Variants in LHX5 observed in about 807,000 individuals in gnomAD.
The protein encoded by LHX5 is LIM homeobox 5.
Under a neutral mutation model 30.6 loss-of-function variants are expected in LHX5, and 5 were observed. The observed-to-expected ratio is 0.16, with a 90% CI of 0.09 to 0.34. The LOEUF (loss-of-function observed/expected upper bound fraction) is 0.34, where lower values mean the gene tolerates loss of function less well. Among genes scored for constraint, LHX5 ranks in the 10% least tolerant of loss-of-function variants. LHX5 has a pLI of 1.00. For missense variants in LHX5, 458 were observed against 570.6 expected, an observed-to-expected ratio of 0.80 and a Z score of 2.01; for synonymous variants, 266 against 252.6, an observed-to-expected ratio of 1.05 and a Z score of -0.50.
At chr12:113,469,374 G>C (rs199548102) in intron 1 of LHX5, 29 bp from the exon 2 acceptor site, 1 of 1,593,516 alleles carries the variant, frequency 6.3e-7, no homozygotes, top group South Asian at 1.1e-5. Context: ...TGTCACTATG[G>C]GGTGGGACTG....
At chr12:113,468,657 AAGGGT>A (rs1326314282) in intron 2 of LHX5, among the ~76,000 whole-genome samples, 10 of 152,136 alleles carry the variant, frequency 6.6e-5, no homozygotes, top group African/African-American at 2.4e-4. Context: ...GTACCTGGGT[AAGGGT>A]AGGGGGACGC....
In LHX5 at chr12:113,463,331, G is replaced by T; in HGVS notation, c.1068C>A (p.Gly356=). 6.5e-7 allele frequency: 1 copy of T among 1,540,750 alleles called. No homozygotes were observed. The highest frequency in any genetic ancestry group is 8.7e-7 in the Non-Finnish European group (1 of 1,144,124). ...SHPDTPSPEP[G]LPGTLHPMPG... The stretch of plus-strand genomic sequence containing the variant: ...GCATGGGGTGCAGCGTGCCCGGCAG[G>T]CCTGGCTCGGGGCTCGGTGTGTCCG... The change falls in exon 5 of 5, where the codon GGC becomes GGA. Residue 356 remains glycine, a synonymous_variant. Transcript: ENST00000261731. This position sits in a 1 kb window ranked among gnomAD's most constrained non-coding sequence, Gnocchi z 6.7.
At chr12:113,470,060 G>A (rs2136979775) in intron 1 of LHX5, among the ~76,000 whole-genome samples, 1 of 152,338 alleles carries the variant, frequency 6.6e-6, no homozygotes, top group Non-Finnish European at 1.5e-5. Flanking sequence ...GTGAATAGAG[G>A]ACAATCATAG....
At chr12:113,470,382 A>G (rs956021456) in intron 1 of LHX5, among the ~76,000 whole-genome samples, 6 of 152,260 alleles carry the variant, frequency 3.9e-5, no homozygotes, top group African/African-American at 1.4e-4. Flanking sequence ...AAAAATCATT[A>G]GGCACTTTGC....
rs930421094 is a variant in LHX5 at position 113,465,529 on chromosome 12, C to A, written c.841+1727G>T. ...TCGCCACCGCCGGGATCTCCCAGCG[C>A]GGATTAGGCGGGGCTGCCTCGCTGG... On this transcript the variant is annotated intron_variant, in intron 4 of 4. Transcript: ENST00000261731. This position sits in a 1 kb window ranked among gnomAD's most constrained non-coding sequence, Gnocchi z 6.7. Among the ~76,000 whole-genome samples the A allele has an allele frequency of 1.3e-5, 2 of 152,242 alleles. No homozygotes were observed. The highest frequency in any genetic ancestry group is 4.8e-5 in the African/African-American group (2 of 41,472).
At chr12:113,471,269 C>A in intron 1 of LHX5, 57 bp downstream of exon 1, 2 of 1,581,334 alleles carry the variant, frequency 1.3e-6, no homozygotes, top group Non-Finnish European at 1.7e-6. Flanking sequence ...TCCCCAGCGC[C>A]CCAGTGGAGC....
chr12:113,463,099 C>T lies in LHX5; in HGVS notation c.*91G>A, dbSNP rs1958185796. On this transcript the variant is annotated 3_prime_UTR_variant, in exon 5 of 5. Transcript: ENST00000261731. The surrounding 1 kb of genome is among the most constrained non-coding windows in gnomAD (Gnocchi z 6.7). The stretch of plus-strand genomic sequence containing the variant: ...GAACCCCCGAGGGACACCCACGTCT[C>T]CCACCGCGTCTGCGTCGGGCGTTTT... 8.9e-7 allele frequency: 1 copy of T among 1,120,804 alleles called. No individual in the cohort carries two copies. Among genetic ancestry groups the T allele is most frequent in the Admixed American group, 3.1e-5 (1 of 31,836 alleles). The allele number at this position is 1,120,804 out of a possible 1,614,324, so 69.4% of individuals were successfully genotyped here.
chr12:113,463,198 C>G lies in LHX5; in HGVS notation c.1201G>C (p.Val401Leu), dbSNP rs748221055. Reference sequence around the variant, plus strand: ...GGGGCGGCCCGGCGGCCTTACCACACGGCGGCTTCGTTGAGCTCGGGGTTG... The same window carrying G: ...GGGGCGGCCCGGCGGCCTTACCACAGGGCGGCTTCGTTGAGCTCGGGGTTG... ...HPNPELNEAAVW is the reference protein window; with the variant it reads ...HPNPELNEAALW The change falls in exon 5 of 5, where the codon GTG (valine) becomes CTG (leucine). Residue 401 changes from valine to leucine, a missense_variant. By Grantham distance (32) the Val-to-Leu change is conservative. Transcript: ENST00000261731. This position sits in a 1 kb window ranked among gnomAD's most constrained non-coding sequence, Gnocchi z 6.7. 4.6e-6 allele frequency: 7 copies of G among 1,515,208 alleles called. No homozygotes were observed. The highest frequency in any genetic ancestry group is 1.4e-5 in the African/African-American group (1 of 69,440). The allele number at this position is 1,515,208 out of a possible 1,614,324, so 93.9% of individuals were successfully genotyped here.
chr12:113,466,272 C>T lies in LHX5; in HGVS notation c.841+984G>A, dbSNP rs948479344. ...AAGAGGAGAGGTGCTTTCTTGAGCC[C>T]TCAGCCCTGGGAAGAACAGGACAGT... On this transcript the variant is annotated intron_variant, in intron 4 of 4. Coordinates refer to ENST00000261731, the MANE Select transcript of LHX5 (RefSeq NM_022363.3). The surrounding 1 kb of genome is among the most constrained non-coding windows in gnomAD (Gnocchi z 6.5). 1.3e-5 allele frequency among the ~76,000 whole-genome samples: 2 copies of T among 152,178 alleles called. No homozygotes were observed. Among genetic ancestry groups the T allele is most frequent in the Non-Finnish European group, 2.9e-5 (2 of 68,032 alleles).
rs781400710 is a variant in LHX5, at chr12:113,463,508, C to A, written c.891G>T (p.Ala297=). ...ACTGCGCCTGCGAAGGCGGGCCGTGCGCGAAGAAGTCGTAGTTGCTTCCCG... is the reference window on the plus strand; with the variant it reads ...ACTGCGCCTGCGAAGGCGGGCCGTGAGCGAAGAAGTCGTAGTTGCTTCCCG... ...YAPGSNYDFF[A]HGPPSQAQSP... is the part of the protein sequence containing the mutation. The change falls in exon 5 of 5, where the codon GCG becomes GCT. Residue 297 remains alanine (A), a synonymous_variant. Coordinates refer to ENST00000261731, the MANE Select transcript of LHX5 (RefSeq NM_022363.3). This position sits in a 1 kb window ranked among gnomAD's most constrained non-coding sequence, Gnocchi z 6.7. 11 of 1,563,740 alleles carry A rather than the reference C, an allele frequency of 7.0e-6. No individual in the cohort carries two copies. The highest frequency in any genetic ancestry group is 5.5e-5 in the African/African-American group (4 of 73,054).
In LHX5 at chr12:113,464,358, A is replaced by T. The variant is rs1958198885; in HGVS notation, c.842-801T>A. ...AGAGCGCGAAATGGTTGAGACCGGG[A>T]AGCGACCTGGCCGGGGGAAACTGGA... On this transcript the variant is annotated intron_variant, in intron 4 of 4. Transcript: ENST00000261731. The surrounding 1 kb of genome is among the most constrained non-coding windows in gnomAD (Gnocchi z 6.2). 6.6e-6 allele frequency among the ~76,000 whole-genome samples: 1 copy of T among 152,176 alleles called. No homozygotes were observed. The highest frequency in any genetic ancestry group is 1.5e-5 in the Non-Finnish European group (1 of 68,006).
In LHX5 at chr12:113,462,045, G is replaced by GA. The variant is rs1958176157; in HGVS notation, c.*1144dup. On this transcript the variant is annotated 3_prime_UTR_variant, in exon 5 of 5. Transcript: ENST00000261731. ...AACCACACAGCGCTGAGGGAAAAAAGATTTTTTTTTATTAATCTTTCTCTT... is the reference window on the plus strand; with the variant it reads ...AACCACACAGCGCTGAGGGAAAAAAGAATTTTTTTTTATTAATCTTTCTCTT... 6.6e-6 allele frequency: 1 copy of GA among 151,924 alleles called. No homozygotes were observed. Among genetic ancestry groups the GA allele is most frequent in the African/African-American group, 2.4e-5 (1 of 41,334 alleles). 9.4% of individuals were successfully genotyped at this position (151,924 alleles called of 1,614,324 possible).
chr12:113,470,072 T>C (rs74829413), intron 1 of LHX5, among the ~76,000 whole-genome samples: 8,478 of 152,268 alleles, frequency 0.056, 301 homozygotes, highest in Middle Eastern at 0.1. Context: ...CAATCATAGA[T>C]CCTGCAAGGC....
At position 113,463,314 on chromosome 12, in the gene LHX5, T is replaced by A. The variant is rs543865269; in HGVS notation, c.1085A>T (p.His362Leu). ...SPEPGLPGTLHPMPGEVFSGG... is the reference protein window; with the variant it reads ...SPEPGLPGTLLPMPGEVFSGG... Reference sequence around the variant, plus strand: ...GCTGAATACCTCGCCGGGCATGGGGTGCAGCGTGCCCGGCAGGCCTGGCTC... The same window carrying A: ...GCTGAATACCTCGCCGGGCATGGGGAGCAGCGTGCCCGGCAGGCCTGGCTC... Residue 362 changes from histidine (H) to leucine (L), a missense_variant, in exon 5 of 5, where the codon CAC becomes CTC. Around this residue, in one of 3 missense-constraint regions of LHX5, gnomAD observed 255 missense variants for 246.8 expected, o/e 1.03. Transcript: ENST00000261731. The surrounding 1 kb of genome is among the most constrained non-coding windows in gnomAD (Gnocchi z 6.7). 2.2e-5 allele frequency: 34 copies of A among 1,535,876 alleles called. 1 individual carries two copies. In the Middle Eastern group the frequency reaches 6.9e-4, roughly 31 times the overall value.
In LHX5 at chr12:113,471,492, C is replaced by G; in HGVS notation, c.7G>C (p.Val3Leu). Residue 3 changes from valine (V) to leucine (L), a missense_variant, in exon 1 of 5, where the codon GTG becomes CTG. This residue lies in a region of LHX5 where 178 missense variants were observed against 238.5 expected (regional missense o/e 0.75). Coordinates refer to ENST00000261731, the MANE Select transcript of LHX5 (RefSeq NM_022363.3). MM[V>L]HCAGCERPIL... ...GGCCGCTCGCAACCGGCGCAGTGCA[C>G]CATCATAGCCCCGCGCCCCGGCGGC... 6.3e-7 allele frequency: 1 copy of G among 1,598,484 alleles called. No homozygotes were observed. The highest frequency in any genetic ancestry group is 8.5e-7 in the Non-Finnish European group (1 of 1,172,446).
At chr12:113,471,248 G>C (rs564071216) in intron 1 of LHX5, 78 bp downstream of exon 1, 2 of 1,461,464 alleles carry the variant, frequency 1.4e-6, no homozygotes, top group Non-Finnish European at 1.9e-6. Context: ...ATGGGGATGG[G>C]GGTATCCCCT....
rs1386313379 is a variant in LHX5, at chr12:113,467,051, C to T, written c.841+205G>A. ...AATGTGTCACTGTATCTCGTGTGTG[C>T]TTCTGTGTGCATCACTGTATGGGTG... is the stretch of plus-strand genomic sequence containing the variant. On this transcript the variant is annotated intron_variant, in intron 4 of 4. Transcript: ENST00000261731. The surrounding 1 kb of genome is among the most constrained non-coding windows in gnomAD (Gnocchi z 6.3). 2.6e-5 allele frequency among the ~76,000 whole-genome samples: 4 copies of T among 151,718 alleles called. No individual in the cohort carries two copies. Among genetic ancestry groups the T allele is most frequent in the Non-Finnish European group, 5.9e-5 (4 of 67,962 alleles).
In LHX5 at chr12:113,469,337, C is replaced by T. The variant is rs1304531662; in HGVS notation, c.182G>A (p.Gly61Asp). ...TTGCGCGCAGCCGGCGCATTTCGTG[C>T]CAAAGCGCCTGTGGACACAATGTGC... ...YCKNDFFRRF[G>D]TKCAGCAQGI... Residue 61 changes from glycine (G) to aspartate (D), a missense_variant, in exon 2 of 5, where the codon GGC (glycine) becomes GAC (aspartate). Transcript: ENST00000261731. The T allele has an allele frequency of 6.2e-7, 1 of 1,612,304 alleles. No homozygotes were observed. The highest frequency in any genetic ancestry group is 1.1e-5 in the South Asian group (1 of 90,970).
Position 113,467,383 on chromosome 12 carries a change from C to A in LHX5, c.714G>T (p.Met238Ile), listed in dbSNP as rs868774141. 1.3e-6 allele frequency: 2 copies of A among 1,579,964 alleles called. No homozygotes were observed. Among genetic ancestry groups the A allele is most frequent in the East Asian group, 2.3e-5 (1 of 43,436 alleles). The stretch of plus-strand genomic sequence containing the variant: ...GGGCGCCTAGGGCGCTCAGCTGTTT[C>A]ATCCGGCGTTCTTTGGACCGTCGGT... ...FQNRRSKERRMKQLSALGARR... is the reference protein window; with the variant it reads ...FQNRRSKERRIKQLSALGARR... Residue 238 changes from methionine (M) to isoleucine (I), a missense_variant, in exon 4 of 5, where the codon ATG becomes ATT. By Grantham distance (10) the Met-to-Ile change is conservative. This residue lies in a region of LHX5 where 255 missense variants were observed against 246.8 expected (regional missense o/e 1.03). Coordinates refer to ENST00000261731, the MANE Select transcript of LHX5 (RefSeq NM_022363.3). The surrounding 1 kb of genome is among the most constrained non-coding windows in gnomAD (Gnocchi z 6.3).
Sources: allele counts gnomAD v4.1 joint callset (sites outside exome capture counted in the v4.1 genomes callset), GRCh38; gene constraint gnomAD v4.1.1; regional missense constraint gnomAD v4.1.1; non-coding constraint Gnocchi (gnomAD v3.1); transcripts MANE v1.5; gene names NCBI Gene and HGNC (gene_info 2026-07-23, HGNC 2026-07-21).